Variants in AGMO observed in about 807,000 individuals in gnomAD.
AGMO encodes the protein alkylglycerol monooxygenase, also known as glyceryl-ether monooxygenase.
In AGMO, 75 loss-of-function variants were observed where a neutral mutation model predicts 60.2. That is an observed-to-expected ratio of 1.25 (90% confidence interval 1.03 to 1.51). The LOEUF (loss-of-function observed/expected upper bound fraction) is 1.51, where lower values mean the gene tolerates loss of function less well. AGMO is among the 40% of genes most tolerant of loss of function. The pLI, the probability that AGMO is intolerant of heterozygous loss-of-function variation, is 0.00. For missense variants in AGMO, 763 were observed against 525.5 expected, an observed-to-expected ratio of 1.45 and a Z score of -4.42; for synonymous variants, 261 against 177.1, an observed-to-expected ratio of 1.47 and a Z score of -3.76.
intron 3 of AGMO, among the ~76,000 whole-genome samples, chr7:15,526,508 T>A (rs1281164567): frequency 6.6e-6 from 1 of 152,156 alleles, no homozygotes; most frequent in Non-Finnish European, 1.5e-5. Flanking sequence ...ATGCATTGAG[T>A]TATGCGTTTG....
At chr7:15,501,122 T>C (rs902297894) in intron 3 of AGMO, among the ~76,000 whole-genome samples, 1 of 151,984 alleles carries the variant, frequency 6.6e-6, no homozygotes, top group Non-Finnish European at 1.5e-5. Flanking sequence ...GATTTTTGAG[T>C]ATGTGCCATG....
chr7:15,407,646 C>A (rs545407091), intron 5 of AGMO, among the ~76,000 whole-genome samples: 131 of 151,798 alleles, frequency 8.6e-4, no homozygotes, highest in Non-Finnish European at 1.8e-3. Context: ...ATATTTAACT[C>A]TAGCAATAAT....
intron 5 of AGMO, among the ~76,000 whole-genome samples, chr7:15,397,358 G>A (rs1784434005): frequency 6.6e-6 from 1 of 151,756 alleles, no homozygotes; most frequent in Admixed American, 6.6e-5. Flanking sequence ...AGCGCCTCGC[G>A]CAGCCCCGGC....
chr7:15,546,880 G>C (rs75204985), intron 2 of AGMO, among the ~76,000 whole-genome samples: 1,914 of 152,268 alleles, frequency 0.013, 26 homozygotes, highest in African/African-American at 0.043. Flanking sequence ...ATTTGGACAG[G>C]ATAATTCTTT....
rs545259930 is a variant in AGMO, at chr7:15,283,009, G to A, written c.1264-81650C>T. Among the ~76,000 whole-genome samples the A allele has an allele frequency of 2.0e-5, 3 of 152,148 alleles. No homozygotes were observed. The East Asian group carries it at 5.8e-4, about 29-fold the overall frequency. On this transcript the variant is annotated intron_variant, in intron 12 of 12. Coordinates refer to ENST00000342526, the MANE Select transcript of AGMO (RefSeq NM_001004320.2). ...AAAACTAAATTTCAAAAATGAAAGA[G>A]AAACAGTTATTTTCAGACAAACAAA... is the stretch of plus-strand genomic sequence containing the variant.
At chr7:15,297,077 G>A (rs112744302) in intron 12 of AGMO, among the ~76,000 whole-genome samples, 2 of 150,424 alleles carry the variant, frequency 1.3e-5, no homozygotes, top group African/African-American at 2.4e-5. Context: ...CACACACACA[G>A]ACACAATCAG....
At chr7:15,352,077 A>C (rs914693733) in intron 12 of AGMO, among the ~76,000 whole-genome samples, 1 of 152,238 alleles carries the variant, frequency 6.6e-6, no homozygotes, top group Non-Finnish European at 1.5e-5. Context: ...ATGACAGAAG[A>C]AATAACAAAT....
intron 12 of AGMO, among the ~76,000 whole-genome samples, chr7:15,202,745 T>A (rs1340070902): frequency 6.6e-6 from 1 of 152,114 alleles, no homozygotes; most frequent in African/African-American, 2.4e-5. Context: ...ACAATATATT[T>A]AAAGGCTGGT....
rs149624069 is a variant in AGMO at position 15,340,266 on chromosome 7, CAT to C, written c.1263+25246_1263+25247del. ...TTTGACTGTGACCCATCACATGTCACATGAGGCCAGGTGTGGAATTTTCTAGT... is the reference window on the plus strand; with the variant it reads ...TTTGACTGTGACCCATCACATGTCACGAGGCCAGGTGTGGAATTTTCTAGT... On this transcript the variant is annotated intron_variant, in intron 12 of 12. Coordinates refer to ENST00000342526, the MANE Select transcript of AGMO (RefSeq NM_001004320.2). Among the ~76,000 whole-genome samples the C allele has an allele frequency of 5.3e-3, 814 of 152,302 alleles. 9 individuals carry two copies. Among genetic ancestry groups the C allele is most frequent in the African/African-American group, 0.018 (759 of 41,582 alleles).
At chr7:15,126,364 T>C in the AGMO span, among the ~76,000 whole-genome samples, 1 of 152,112 alleles carries the variant, frequency 6.6e-6, no homozygotes, top group East Asian at 1.9e-4. Flanking sequence ...TTTATATGAA[T>C]CATAGAGCAT....
chr7:15,472,302 T>C lies in AGMO; in HGVS notation c.410-41194A>G, dbSNP rs942161263. 2.0e-5 allele frequency among the ~76,000 whole-genome samples: 3 copies of C among 151,906 alleles called. No homozygotes were observed. The East Asian group carries it at 5.8e-4, about 29-fold the overall frequency. On this transcript the variant is annotated intron_variant, in intron 3 of 12. Coordinates refer to ENST00000342526, the MANE Select transcript of AGMO (RefSeq NM_001004320.2). ...TGAATTCATTGAGTAGAAAGAATAA[T>C]TGACAAAAATATGTTCAAAAAGCTG...
chr7:15,117,638 C>G, the AGMO span, among the ~76,000 whole-genome samples: 1 of 151,820 alleles, frequency 6.6e-6, no homozygotes, highest in Non-Finnish European at 1.5e-5. Context: ...CTATAATACC[C>G]ATGTAACAAG....
intron 3 of AGMO, among the ~76,000 whole-genome samples, chr7:15,498,159 C>T (rs1051127245): frequency 1.3e-5 from 2 of 151,934 alleles, no homozygotes; most frequent in Non-Finnish European, 2.9e-5. Flanking sequence ...GGGAAAAACA[C>T]CTCAGAATAC....
At position 15,544,873 on chromosome 7, in the gene AGMO, T is replaced by C. The variant is rs1306036208; in HGVS notation, c.308A>G (p.Asn103Ser). The C allele has an allele frequency of 1.2e-6, 2 of 1,600,568 alleles. No individual in the cohort carries two copies. Among genetic ancestry groups the C allele is most frequent in the Non-Finnish European group, 1.7e-6 (2 of 1,172,594 alleles). ...CCAAGGCAAATTGAACAGCCTGTAG[T>C]TCTCCCAGATATAAATATAACTGGT... ...ELTSYIYIWE[N>S]YRLFNLPWDS... The change falls in exon 3 of 13, where the codon AAC (asparagine) becomes AGC (serine). Residue 103 changes from asparagine (N) to serine (S), a missense_variant. Transcript: ENST00000342526.
chr7:15,325,932 G>A (rs911239773), intron 12 of AGMO, among the ~76,000 whole-genome samples: 3 of 152,088 alleles, frequency 2.0e-5, no homozygotes, highest in Admixed American at 1.3e-4. Flanking sequence ...GGAGGAGGAG[G>A]AGGAGAGGGA....
chr7:15,271,091 C>T (rs1249164555), intron 12 of AGMO, among the ~76,000 whole-genome samples: 1 of 151,894 alleles, frequency 6.6e-6, no homozygotes, highest in Non-Finnish European at 1.5e-5. Flanking sequence ...ATAATTTGAA[C>T]TCAGGGAATA....
At chr7:15,180,808 C>T in the AGMO span, among the ~76,000 whole-genome samples, 1 of 152,086 alleles carries the variant, frequency 6.6e-6, no homozygotes, top group Non-Finnish European at 1.5e-5. Flanking sequence ...CAGAATATCA[C>T]AGACTGGGTA....
At chr7:15,398,926 A>T (rs888908859) in intron 5 of AGMO, among the ~76,000 whole-genome samples, 27 of 152,142 alleles carry the variant, frequency 1.8e-4, no homozygotes, top group Admixed American at 6.5e-4. Context: ...CTTATCCATC[A>T]TATTGTTTTT....
At chr7:15,261,408 T>C (rs1260986432) in intron 12 of AGMO, among the ~76,000 whole-genome samples, 3 of 152,016 alleles carry the variant, frequency 2.0e-5, no homozygotes, top group African/African-American at 4.8e-5. Context: ...CTACAAGAGA[T>C]GAATATATTC....
Sources: allele counts gnomAD v4.1 joint callset (sites outside exome capture counted in the v4.1 genomes callset), GRCh38; gene constraint gnomAD v4.1.1; transcripts MANE v1.5; gene names NCBI Gene and HGNC (gene_info 2026-07-23, HGNC 2026-07-21).